The following PRKG1 variants were observed in gnomAD, a reference collection of about 807,000 sequenced individuals.
PRKG1 encodes cGMP-dependent protein kinase 1.
PRKG1 carries 35 observed loss-of-function variants against 88.1 expected under a neutral mutation model. That is an observed-to-expected ratio of 0.40 (90% CI 0.30 to 0.53). PRKG1 has a LOEUF of 0.53. PRKG1 is among the 20% of genes least tolerant of loss of function. The probability of loss-of-function intolerance (pLI) is 0.59; values close to 1 mark genes in which losing one functional copy is unlikely to be tolerated. For synonymous variants in PRKG1, 303 were observed against 292.5 expected, an observed-to-expected ratio of 1.04 and a Z score of -0.37; for missense variants, 540 against 839.8, an observed-to-expected ratio of 0.64 and a Z score of 4.41.
At chr10:51,954,425 A>T (rs1843256084) in intron 5 of PRKG1, among the ~76,000 whole-genome samples, 1 of 152,210 alleles carries the variant, frequency 6.6e-6, no homozygotes, top group Non-Finnish European at 1.5e-5. Flanking sequence ...AAAATTAAAA[A>T]AAGAAATACA....
chr10:51,699,024 G>A, intron 3 of PRKG1: 2 of 1,614,210 alleles, frequency 1.2e-6, no homozygotes, highest in Non-Finnish European at 1.7e-6. Context: ...ATCACTACTT[G>A]TGCCTGCAAC....
At chr10:51,152,057 G>A (rs1846086635) in intron 1 of PRKG1, among the ~76,000 whole-genome samples, 2 of 151,986 alleles carry the variant, frequency 1.3e-5, no homozygotes, top group South Asian at 2.1e-4. Flanking sequence ...TTCATCTTAT[G>A]TGGCTTCTGA....
At chr10:51,200,973 C>A (rs961622617) in intron 2 of PRKG1, among the ~76,000 whole-genome samples, 2 of 152,066 alleles carry the variant, frequency 1.3e-5, no homozygotes, top group African/African-American at 4.8e-5. Flanking sequence ...TTGCCATAAT[C>A]AGTAGTTTGA....
intron 5 of PRKG1, among the ~76,000 whole-genome samples, chr10:51,961,334 G>A (rs747852640): frequency 2.6e-5 from 4 of 151,948 alleles, no homozygotes; most frequent in Non-Finnish European, 4.4e-5. Flanking sequence ...TTTGATCTGC[G>A]TTTGGTTGAG....
At chr10:51,239,062 TAAC>T (rs1839079944) in intron 2 of PRKG1, among the ~76,000 whole-genome samples, 2 of 150,300 alleles carry the variant, frequency 1.3e-5, no homozygotes, top group Admixed American at 6.6e-5. Context: ...TTTTGGAAAA[TAAC>T]TATGATTTTG....
intron 4 of PRKG1, among the ~76,000 whole-genome samples, chr10:51,856,574 C>G (rs1840684679): frequency 6.6e-6 from 1 of 151,996 alleles, no homozygotes; most frequent in Non-Finnish European, 1.5e-5. Flanking sequence ...GTAAGGTGGC[C>G]ATTATAAGAG....
chr10:51,176,490 T>C (rs940227368), intron 2 of PRKG1, among the ~76,000 whole-genome samples: 1 of 152,160 alleles, frequency 6.6e-6, no homozygotes, highest in Non-Finnish European at 1.5e-5. Context: ...TAAATGTGGA[T>C]AATAAATGTA....
intron 2 of PRKG1, among the ~76,000 whole-genome samples, chr10:51,447,290 CT>C (rs1564499868): frequency 6.6e-6 from 1 of 151,958 alleles, no homozygotes; most frequent in Non-Finnish European, 1.5e-5. Context: ...ATACATCACT[CT>C]CAGCCCCACC....
chr10:51,733,009 C>G (rs1291665589), intron 3 of PRKG1, among the ~76,000 whole-genome samples: 1 of 151,574 alleles, frequency 6.6e-6, no homozygotes, highest in African/African-American at 2.4e-5. Context: ...TGGCTGTGTC[C>G]TCAAATGGTA....
chr10:52,031,080 C>T (rs1177417316), intron 5 of PRKG1, among the ~76,000 whole-genome samples: 3 of 151,934 alleles, frequency 2.0e-5, no homozygotes, highest in Non-Finnish European at 2.9e-5. Context: ...AAATGCTGCT[C>T]ATTATCCCTA....
chr10:51,093,797 T>TACACAC (rs1371514655), intron 1 of PRKG1, among the ~76,000 whole-genome samples: 1 of 117,586 alleles, frequency 8.5e-6, no homozygotes, highest in Admixed American at 8.5e-5. Flanking sequence ...TTTATATATA[T>TACACAC]ATATACACAC....
At chr10:51,922,603 T>G (rs534322045) in intron 5 of PRKG1, among the ~76,000 whole-genome samples, 1 of 152,056 alleles carries the variant, frequency 6.6e-6, no homozygotes, top group East Asian at 1.9e-4. Context: ...CATTTTGATT[T>G]TCAGTTAGCC....
At chr10:51,440,807 AG>A (rs1428262617) in intron 2 of PRKG1, among the ~76,000 whole-genome samples, 1 of 151,928 alleles carries the variant, frequency 6.6e-6, no homozygotes, top group Non-Finnish European at 1.5e-5. Context: ...TCTCCAGGAA[AG>A]GTAGAGGGTG....
chr10:51,408,736 A>G lies in PRKG1; in HGVS notation c.479-58987A>G, dbSNP rs185113199. ...GTGTGTAACCTCCATCCCCGCCACC[A>G]TGGCCACTTTGTTCATGGGCCCATT... On this transcript the variant is annotated intron_variant, in intron 2 of 17. Coordinates refer to ENST00000373980, the MANE Select transcript of PRKG1 (RefSeq NM_006258.4). 3.0e-4 allele frequency among the ~76,000 whole-genome samples: 46 copies of G among 152,300 alleles called. No individual in the cohort carries two copies. In the East Asian group the frequency reaches 8.1e-3, roughly 27 times the overall value.
In PRKG1 at chr10:51,074,776, G is replaced by A. The variant is rs1271042896; in HGVS notation, c.186G>A (p.Lys62=). The part of the protein sequence containing the change: ...VIRPATQQAQ[K]QSASTLQGEP... The stretch of plus-strand genomic sequence containing the variant: ...GACCAGCCACCCAGCAGGCGCAGAA[G>A]CAGAGCGCGAGCACCTTGCAGGGCG... The change falls in exon 1 of 18, where the codon AAG becomes AAA. Residue 62 remains lysine (K), a synonymous_variant. Transcript: ENST00000373980. The A allele has an allele frequency of 2.5e-6, 4 of 1,613,920 alleles. No homozygotes were observed.
chr10:51,409,952 T>A (rs1396841328), intron 2 of PRKG1, among the ~76,000 whole-genome samples: 1 of 150,564 alleles, frequency 6.6e-6, no homozygotes, highest in Non-Finnish European at 1.5e-5. Flanking sequence ...TATGGGGGCC[T>A]GCCAGAGGCT....
intron 7 of PRKG1, chr10:52,081,598 C>T (rs1428720998): frequency 2.2e-6 from 1 of 456,472 alleles, no homozygotes; most frequent in African/African-American, 2.0e-5. Flanking sequence ...ACGATGTAGG[C>T]ATTTGGGAAA....
chr10:52,106,746 ATAAAG>A (rs1847436289), intron 7 of PRKG1, among the ~76,000 whole-genome samples: 2 of 144,990 alleles, frequency 1.4e-5, no homozygotes, highest in African/African-American at 5.0e-5. Flanking sequence ...AATAATAATA[ATAAAG>A]TAAATAAATA....
At chr10:52,288,271 T>G (rs894997310) in intron 14 of PRKG1, among the ~76,000 whole-genome samples, 4 of 152,100 alleles carry the variant, frequency 2.6e-5, no homozygotes, top group African/African-American at 9.7e-5. Context: ...TGCTCGGCAT[T>G]TCAGTGGAAC....
Sources: gnomAD v4.1 joint callset for allele counts (sites outside exome capture counted in the v4.1 genomes callset) on GRCh38, gnomAD v4.1.1 for gene constraint, MANE v1.5 for transcripts, NCBI Gene and HGNC (gene_info 2026-07-23, HGNC 2026-07-21) for gene names.